The following TMC1 variants were observed in gnomAD, a reference collection of about 807,000 sequenced individuals.
TMC1 encodes transmembrane channel-like protein 1.
TMC1 carries 84 observed loss-of-function variants against 105.8 expected under a neutral mutation model. That is an observed-to-expected ratio of 0.79 (90% confidence interval 0.67 to 0.95). TMC1 has a LOEUF of 0.95. TMC1 is among the 40% of genes least tolerant of loss of function. TMC1 has a pLI of 0.00. For missense variants in TMC1, 817 were observed against 914.1 expected (o/e 0.89, Z 1.37); for synonymous variants, 315 against 311.5 (o/e 1.01, Z -0.12).
chr9:72,666,767 G>C (rs897774631), intron 5 of TMC1, among the ~76,000 whole-genome samples: 2 of 151,948 alleles, frequency 1.3e-5, no homozygotes, highest in African/African-American at 4.8e-5. Flanking sequence ...ATAATGTCAC[G>C]GCCAGGCGTG....
At chr9:72,731,129 G>A (rs1420167247) in intron 8 of TMC1, among the ~76,000 whole-genome samples, 1 of 152,068 alleles carries the variant, frequency 6.6e-6, no homozygotes, top group East Asian at 1.9e-4. Context: ...CAGTGGCCAC[G>A]ACCTGACAGT....
chr9:72,647,857 C>T (rs1588010509), intron 4 of TMC1, among the ~76,000 whole-genome samples: 1 of 151,716 alleles, frequency 6.6e-6, no homozygotes, highest in Non-Finnish European at 1.5e-5. Flanking sequence ...TGCCAGCGTC[C>T]GTACTCTCAA....
At chr9:72,652,047 G>C (rs912853750) in intron 5 of TMC1, among the ~76,000 whole-genome samples, 7 of 152,062 alleles carry the variant, frequency 4.6e-5, no homozygotes, top group African/African-American at 1.7e-4. Flanking sequence ...TACAATAATA[G>C]TCTCCAATTC....
intron 1 of TMC1, among the ~76,000 whole-genome samples, chr9:72,551,839 T>C (rs1823864660): frequency 6.6e-6 from 1 of 151,942 alleles, no homozygotes; most frequent in Non-Finnish European, 1.5e-5. Context: ...CATAGACACA[T>C]AGGGAAAAGA....
chr9:72,791,430 G>A (rs1433329037), intron 15 of TMC1, among the ~76,000 whole-genome samples: 3 of 152,104 alleles, frequency 2.0e-5, no homozygotes, highest in African/African-American at 7.2e-5. Flanking sequence ...CCCATCTCAG[G>A]GAATTCATCC....
chr9:72,585,152 CTTTTT>C (rs1274611916), intron 2 of TMC1, among the ~76,000 whole-genome samples: 1 of 126,104 alleles, frequency 7.9e-6, no homozygotes. Flanking sequence ...GGTGCCATGT[CTTTTT>C]TTTTTTTTTT....
intron 6 of TMC1, among the ~76,000 whole-genome samples, chr9:72,693,576 T>A (rs1018239212): frequency 6.6e-6 from 1 of 152,170 alleles, no homozygotes; most frequent in African/African-American, 2.4e-5. Context: ...ATGCTGCAGA[T>A]AATTCATAGT....
chr9:72,690,810 T>A (rs774925867), intron 6 of TMC1, among the ~76,000 whole-genome samples: 2 of 152,166 alleles, frequency 1.3e-5, no homozygotes, highest in Non-Finnish European at 2.9e-5. Flanking sequence ...TTTATTTGGG[T>A]TCACATAATT....
At position 72,753,286 on chromosome 9, in the gene TMC1, CTTT is replaced by C. The variant is rs5898269; in HGVS notation, c.642+1350_642+1352del. Among the ~76,000 whole-genome samples, 216 of 81,812 alleles carry C rather than the reference CTTT, an allele frequency of 2.6e-3. 1 individual carries two copies. The highest frequency in any genetic ancestry group is 0.01 in the African/African-American group (191 of 19,032). The allele number at this position is 81,812 out of a possible 152,430, so 53.7% of individuals were successfully genotyped here. A position where few individuals can be genotyped will look rare whatever the true frequency, so the allele number is the denominator to read the frequency against. ...TTTATCTATTTCAAATTAACCCCAGCTTTTTTTTTTTTTTTTTTTTTTGCTTAC... is the reference window on the plus strand; with the variant it reads ...TTTATCTATTTCAAATTAACCCCAGCTTTTTTTTTTTTTTTTTTTGCTTAC... On this transcript the variant is annotated intron_variant, in intron 11 of 23. Transcript: ENST00000297784.
chr9:72,810,047 T>G (rs1828672562), intron 18 of TMC1, among the ~76,000 whole-genome samples: 1 of 150,126 alleles, frequency 6.7e-6, no homozygotes, highest in Non-Finnish European at 1.5e-5. Context: ...GATCAGGATT[T>G]CAAGAGATGA....
At chr9:72,566,220 G>A (rs1241045172) in intron 1 of TMC1, among the ~76,000 whole-genome samples, 1 of 152,112 alleles carries the variant, frequency 6.6e-6, no homozygotes, top group Admixed American at 6.5e-5. Context: ...GATGGGAGAT[G>A]GGAGTACTGC....
chr9:72,749,260 G>C (rs1327856109), intron 10 of TMC1, among the ~76,000 whole-genome samples: 1 of 152,192 alleles, frequency 6.6e-6, no homozygotes, highest in Non-Finnish European at 1.5e-5. Context: ...AAGGAAGAAA[G>C]GAATGGTGGG....
chr9:72,572,846 A>T (rs117299501), intron 1 of TMC1, among the ~76,000 whole-genome samples: 8,801 of 152,004 alleles, frequency 0.058, 327 homozygotes, highest in Non-Finnish European at 0.085. Context: ...AGAAAAATTA[A>T]CTGGGCATGG....
chr9:72,709,913 G>T lies in TMC1; in HGVS notation c.362+9270G>T, dbSNP rs554337118. Among the ~76,000 whole-genome samples, 48 of 151,998 alleles carry T rather than the reference G, an allele frequency of 3.2e-4. 1 individual carries two copies. The South Asian group carries it at 9.6e-3, about 30-fold the overall frequency. ...TCTTTTCTTCTACTATTTGGGTTTG[G>T]TTTGTTTTTCTAGTTCCTTGAGGTG... On this transcript the variant is annotated intron_variant, in intron 8 of 23. Coordinates refer to ENST00000297784, the MANE Select transcript of TMC1 (RefSeq NM_138691.3).
intron 8 of TMC1, among the ~76,000 whole-genome samples, chr9:72,704,011 A>G (rs914388136): frequency 1.3e-5 from 2 of 152,114 alleles, no homozygotes; most frequent in African/African-American, 4.8e-5. Context: ...CCAGATTCCA[A>G]CTACATTATT....
At chr9:72,551,658 T>C (rs902313253) in intron 1 of TMC1, among the ~76,000 whole-genome samples, 2 of 152,170 alleles carry the variant, frequency 1.3e-5, no homozygotes, top group Admixed American at 6.5e-5. Context: ...GAGGGTTGAA[T>C]TGAGTCCTTC....
intron 7 of TMC1, among the ~76,000 whole-genome samples, chr9:72,700,280 A>G (rs1228859695): frequency 6.6e-6 from 1 of 151,850 alleles, no homozygotes; most frequent in African/African-American, 2.4e-5. Flanking sequence ...GAAAAGAAAA[A>G]AACAGAATGG....
In TMC1 at chr9:72,570,279, T is replaced by G. The variant is rs1441487621; in HGVS notation, c.-427-7623T>G. ...TGTGTGTGTGTGGTAAATACTTATA[T>G]ACAAATTTCTTTAGATTTTTCTTTA... On this transcript the variant is annotated intron_variant, in intron 1 of 23. Transcript: ENST00000297784. Among the ~76,000 whole-genome samples, 6 of 148,814 alleles carry G rather than the reference T, an allele frequency of 4.0e-5. No individual in the cohort carries two copies. The East Asian group carries it at 1.2e-3, about 29-fold the overall frequency.
At chr9:72,599,070 G>A (rs990690064) in intron 2 of TMC1, among the ~76,000 whole-genome samples, 2 of 151,908 alleles carry the variant, frequency 1.3e-5, no homozygotes, top group Admixed American at 6.6e-5. Context: ...TCACTCTGTC[G>A]CCCAGGCTGG....
Sources: gnomAD v4.1 joint callset for allele counts (sites outside exome capture counted in the v4.1 genomes callset) on GRCh38, gnomAD v4.1.1 for gene constraint, MANE v1.5 for transcripts, NCBI Gene and HGNC (gene_info 2026-07-23, HGNC 2026-07-21) for gene names.